Variants in ACTR3C observed in about 807,000 individuals in gnomAD.
ACTR3C encodes the protein actin-related protein 3C.
In ACTR3C, 18 loss-of-function variants were observed where a neutral mutation model predicts 26.3. That is an observed-to-expected ratio of 0.68 (90% confidence interval 0.47 to 1.01). The LOEUF (loss-of-function observed/expected upper bound fraction) is 1.01, where lower values mean the gene tolerates loss of function less well. Among genes scored for constraint, ACTR3C ranks in the 50% least tolerant of loss-of-function variants. The pLI is 0.00. For missense variants in ACTR3C, 184 were observed against 250.7 expected (o/e 0.73, Z 1.80); for synonymous variants, 55 against 94.5 (o/e 0.58, Z 2.42).
At chr7:150,038,849 ACC>A in the ACTR3C span, among the ~76,000 whole-genome samples, 8 of 127,066 alleles carry the variant, frequency 6.3e-5, no homozygotes, top group African/African-American at 1.3e-4. Context: ...CAGTGGGGGA[ACC>A]AGGGGCTGGC....
the ACTR3C span, among the ~76,000 whole-genome samples, chr7:149,987,825 TAAG>T: frequency 3.9e-5 from 6 of 152,018 alleles, no homozygotes; most frequent in African/African-American, 1.4e-4. Flanking sequence ...CCTGTATAAT[TAAG>T]AAGAATCTGT....
the ACTR3C span, among the ~76,000 whole-genome samples, chr7:150,042,425 G>A: frequency 1.3e-5 from 2 of 149,654 alleles, no homozygotes; most frequent in Non-Finnish European, 3.0e-5. Context: ...GTCGCGAGGG[G>A]TGCCTCCTCC....
the ACTR3C span, among the ~76,000 whole-genome samples, chr7:150,185,276 C>CGTGTGTGTGTGTGT: frequency 6.4e-5 from 9 of 140,980 alleles, no homozygotes; most frequent in East Asian, 2.3e-4. Context: ...AAATGTCAGG[C>CGTGTGTGTGTGTGT]GTGTGTGTGT....
At chr7:150,153,287 C>T in the ACTR3C span, among the ~76,000 whole-genome samples, 1 of 151,922 alleles carries the variant, frequency 6.6e-6, no homozygotes, top group Non-Finnish European at 1.5e-5. Flanking sequence ...GAACAGGCAA[C>T]CTACAGAATG....
intron 6 of ACTR3C, among the ~76,000 whole-genome samples, chr7:150,260,831 C>T (rs530191786): frequency 0.014 from 2,116 of 152,258 alleles, 26 homozygotes; most frequent in Middle Eastern, 0.024. Flanking sequence ...TTAACAGAAC[C>T]CTGACTTTTC....
At chr7:149,926,739 G>A in the ACTR3C span, among the ~76,000 whole-genome samples, 1 of 152,084 alleles carries the variant, frequency 6.6e-6, no homozygotes, top group Non-Finnish European at 1.5e-5. Context: ...ATTCCTCCCA[G>A]CAAGTCACTG....
the ACTR3C span, chr7:150,047,954 G>GT: frequency 8.2e-7 from 1 of 1,217,746 alleles, no homozygotes; most frequent in East Asian, 5.1e-5. Flanking sequence ...AAAAAAGGCG[G>GT]TGGGGAGGCA....
At chr7:149,970,832 G>A in the ACTR3C span, among the ~76,000 whole-genome samples, 9 of 152,156 alleles carry the variant, frequency 5.9e-5, no homozygotes, top group African/African-American at 9.7e-5. Flanking sequence ...ATGAATAGCC[G>A]TTTCTCTAAT....
the ACTR3C span, among the ~76,000 whole-genome samples, chr7:150,023,039 C>T: frequency 2.0e-5 from 3 of 151,082 alleles, no homozygotes; most frequent in South Asian, 4.2e-4. Context: ...CTTCATCCTT[C>T]CCACCCTATT....
the ACTR3C span, among the ~76,000 whole-genome samples, chr7:150,141,348 A>G: frequency 3.3e-5 from 5 of 152,272 alleles, no homozygotes; most frequent in East Asian, 5.8e-4. Context: ...GGTGGACCCT[A>G]GGGGATTCTA....
the ACTR3C span, among the ~76,000 whole-genome samples, chr7:150,110,467 G>A: frequency 7.5e-6 from 1 of 132,896 alleles, no homozygotes; most frequent in African/African-American, 2.9e-5. Context: ...GGAAGAGGGT[G>A]GGGCTTACTA....
chr7:149,989,803 G>A, the ACTR3C span, among the ~76,000 whole-genome samples: 1 of 152,074 alleles, frequency 6.6e-6, no homozygotes, highest in South Asian at 2.1e-4. Flanking sequence ...CCCAGAAGTG[G>A]GATTGCTGGA....
At chr7:150,003,474 G>A in the ACTR3C span, among the ~76,000 whole-genome samples, 51 of 152,372 alleles carry the variant, frequency 3.3e-4, no homozygotes, top group African/African-American at 1.1e-3. Context: ...GTTGTGTGTG[G>A]TGTGTATGAT....
the ACTR3C span, among the ~76,000 whole-genome samples, chr7:150,211,533 G>A: frequency 2.0e-5 from 3 of 150,956 alleles, no homozygotes; most frequent in Admixed American, 1.3e-4. Flanking sequence ...CACCTACCTC[G>A]GCCTCCCAAA....
chr7:150,246,728 A>C (rs1832482906), downstream of ACTR3C: 1 of 152,214 alleles, frequency 6.6e-6, no homozygotes, highest in Non-Finnish European at 1.5e-5. Context: ...GGTTGAATTA[A>C]AGCATAATAA....
At chr7:150,073,981 A>T in the ACTR3C span, 1 of 152,250 alleles carries the variant, frequency 6.6e-6, no homozygotes, top group African/African-American at 2.4e-5. Flanking sequence ...AGTTAAACTC[A>T]CCAAGGACAC....
At chr7:150,064,280 C>G in the ACTR3C span, among the ~76,000 whole-genome samples, 1 of 147,474 alleles carries the variant, frequency 6.8e-6, no homozygotes, top group African/African-American at 2.5e-5. Flanking sequence ...AGAGGCCAGA[C>G]AAGGTGGCTC....
At chr7:150,161,202 T>TATATATATATATATATA in the ACTR3C span, among the ~76,000 whole-genome samples, 2 of 103,002 alleles carry the variant, frequency 1.9e-5, no homozygotes, top group African/African-American at 9.2e-5. Flanking sequence ...AGGAAAGTAT[T>TATATATATATATATATA]TATATATATA....
the ACTR3C span, among the ~76,000 whole-genome samples, chr7:149,895,595 G>A: frequency 0.18 from 27,999 of 152,056 alleles, 2,827 homozygotes; most frequent in Middle Eastern, 0.23. Context: ...AGAGACTCAC[G>A]AGGCTAAGGC....
Sources: allele counts gnomAD v4.1 joint callset (sites outside exome capture counted in the v4.1 genomes callset), GRCh38; gene constraint gnomAD v4.1.1; transcripts MANE v1.5; gene names NCBI Gene and HGNC (gene_info 2026-07-23, HGNC 2026-07-21).